SHISA9: variants seen among roughly 807,000 people sequenced by gnomAD.
SHISA9 encodes protein shisa-9.
In SHISA9, 13 loss-of-function variants were observed where a neutral mutation model predicts 38.0. That is an observed-to-expected ratio of 0.34 (90% CI 0.22 to 0.54). The LOEUF (loss-of-function observed/expected upper bound fraction) is 0.54. SHISA9 is among the 20% of genes least tolerant of loss of function. SHISA9 has a pLI of 0.91. For missense variants in SHISA9, 538 were observed against 575.8 expected (o/e 0.93, Z 0.67); for synonymous variants, 275 against 242.0 (o/e 1.14, Z -1.27).
the SHISA9 span, among the ~76,000 whole-genome samples, chr16:13,456,465 T>C: frequency 6.6e-6 from 1 of 152,246 alleles, no homozygotes; most frequent in Admixed American, 6.5e-5. Flanking sequence ...AATCGTTCAC[T>C]GGGGCAATTC....
chr16:13,358,982 C>T, the SHISA9 span, among the ~76,000 whole-genome samples: 1 of 152,174 alleles, frequency 6.6e-6, no homozygotes, highest in East Asian at 1.9e-4. Flanking sequence ...GGAATACCTC[C>T]TCAGAGGCAT....
At chr16:13,412,250 C>T in the SHISA9 span, among the ~76,000 whole-genome samples, 121 of 152,192 alleles carry the variant, frequency 8.0e-4, no homozygotes, top group African/African-American at 2.8e-3. Flanking sequence ...TCCACAGATG[C>T]TAAAATATTT....
At chr16:13,068,363 G>A (rs1427082041) in intron 2 of SHISA9, among the ~76,000 whole-genome samples, 2 of 152,174 alleles carry the variant, frequency 1.3e-5, no homozygotes, top group East Asian at 1.9e-4. Flanking sequence ...TTTTCTATGG[G>A]TTTGTGGACC....
At chr16:13,305,781 G>C in the SHISA9 span, among the ~76,000 whole-genome samples, 1 of 152,250 alleles carries the variant, frequency 6.6e-6, no homozygotes, top group Non-Finnish European at 1.5e-5. Flanking sequence ...AGACAATGCA[G>C]GGACTTTAGA....
chr16:13,270,443 G>A, the SHISA9 span, among the ~76,000 whole-genome samples: 1 of 152,310 alleles, frequency 6.6e-6, no homozygotes, highest in Admixed American at 6.5e-5. Context: ...GCTCTTAGGA[G>A]AGTGAGGAAG....
At chr16:12,971,554 C>T (rs1567168516) in intron 2 of SHISA9, among the ~76,000 whole-genome samples, 1 of 152,198 alleles carries the variant, frequency 6.6e-6, no homozygotes, top group Non-Finnish European at 1.5e-5. Context: ...AGGCAAGCCT[C>T]CTCCCTGTGC....
the SHISA9 span, among the ~76,000 whole-genome samples, chr16:13,523,135 A>T: frequency 6.6e-6 from 1 of 152,136 alleles, no homozygotes; most frequent in Non-Finnish European, 1.5e-5. Context: ...ATCACCTGAC[A>T]TCAGGAGTTT....
At chr16:13,550,327 A>G in the SHISA9 span, among the ~76,000 whole-genome samples, 1 of 152,178 alleles carries the variant, frequency 6.6e-6, no homozygotes, top group Non-Finnish European at 1.5e-5. Context: ...TCCATGCAGA[A>G]AGAAAGTTAA....
At chr16:13,253,465 G>T in the SHISA9 span, among the ~76,000 whole-genome samples, 1 of 152,194 alleles carries the variant, frequency 6.6e-6, no homozygotes. Context: ...ATAAGAAGAG[G>T]TTTAATGGAC....
the SHISA9 span, among the ~76,000 whole-genome samples, chr16:13,394,161 A>G: frequency 3.9e-4 from 59 of 152,164 alleles, no homozygotes; most frequent in Non-Finnish European, 8.2e-4. Flanking sequence ...GCCATGAGAA[A>G]AACACACCCC....
In SHISA9 at chr16:13,235,061, G is replaced by A. The variant is rs762837579; in HGVS notation, c.927G>A (p.Lys309=). 6.4e-7 allele frequency: 1 copy of A among 1,551,182 alleles called. No individual in the cohort carries two copies. The highest frequency in any genetic ancestry group is 8.7e-7 in the Non-Finnish European group (1 of 1,146,854). ...AGGTCAATGACGACTTCTACACCAA[G>A]CGACGGCACCTGGCTGAGCTGGCTG... ...ADKVNDDFYT[K]RRHLAELAAK... The change falls in exon 5 of 5, where the codon AAG becomes AAA. Residue 309 remains lysine, a synonymous_variant. Transcript: ENST00000558583.
At chr16:13,309,947 G>A in the SHISA9 span, among the ~76,000 whole-genome samples, 20 of 152,168 alleles carry the variant, frequency 1.3e-4, no homozygotes, top group Non-Finnish European at 1.9e-4. Flanking sequence ...GAGTGCAATG[G>A]CACGATCTCG....
chr16:13,398,721 A>G, the SHISA9 span, among the ~76,000 whole-genome samples: 1 of 152,052 alleles, frequency 6.6e-6, no homozygotes, highest in Non-Finnish European at 1.5e-5. Flanking sequence ...CACATTGGCC[A>G]GGCTGGTCTT....
intron 2 of SHISA9, among the ~76,000 whole-genome samples, chr16:13,201,816 GCTC>G (rs1427070703): frequency 1.6e-5 from 2 of 122,636 alleles, no homozygotes; most frequent in Admixed American, 1.7e-4. Flanking sequence ...CAGGGCAGTG[GCTC>G]CTATCAGCCA....
chr16:13,374,217 G>A, the SHISA9 span, among the ~76,000 whole-genome samples: 2 of 150,850 alleles, frequency 1.3e-5, no homozygotes, highest in African/African-American at 4.9e-5. Context: ...TGCACAACGT[G>A]CAGGTTTGTT....
chr16:13,009,415 A>G (rs1317459224), intron 2 of SHISA9, among the ~76,000 whole-genome samples: 1 of 152,138 alleles, frequency 6.6e-6, no homozygotes. Context: ...GCTCAGGATC[A>G]TAACCTCGGA....
chr16:13,188,972 A>C (rs2050856693), intron 2 of SHISA9, among the ~76,000 whole-genome samples: 1 of 152,132 alleles, frequency 6.6e-6, no homozygotes, highest in Non-Finnish European at 1.5e-5. Flanking sequence ...ATGCAGACAC[A>C]CACAGAGAAT....
intron 3 of SHISA9, among the ~76,000 whole-genome samples, chr16:13,203,970 T>C (rs2142055641): frequency 6.6e-6 from 1 of 152,252 alleles, no homozygotes; most frequent in South Asian, 2.1e-4. Context: ...CTATCATCTA[T>C]CAATCCATCC....
chr16:12,932,838 T>G (rs1034708173), intron 2 of SHISA9, among the ~76,000 whole-genome samples: 2 of 152,174 alleles, frequency 1.3e-5, no homozygotes, highest in African/African-American at 4.8e-5. Flanking sequence ...TTGAAGATGA[T>G]TTGGAGGCCA....
Sources: allele counts gnomAD v4.1 joint callset (sites outside exome capture counted in the v4.1 genomes callset), GRCh38; gene constraint gnomAD v4.1.1; transcripts MANE v1.5; gene names NCBI Gene and HGNC (gene_info 2026-07-23, HGNC 2026-07-21).